Variants in ZNF556 observed in about 807,000 individuals in gnomAD.
ZNF556 encodes zinc finger protein 556.
In ZNF556, 11 loss-of-function variants were observed where a neutral mutation model predicts 13.6. That is an observed-to-expected ratio of 0.81 (90% CI 0.51 to 1.33). The LOEUF (loss-of-function observed/expected upper bound fraction) is 1.33. ZNF556 is among the 40% of genes most tolerant of loss of function. The pLI, the probability that ZNF556 is intolerant of heterozygous loss-of-function variation, is 0.00. For missense variants in ZNF556, 633 were observed against 566.2 expected (o/e 1.12, Z -1.20); for synonymous variants, 229 against 207.8 (o/e 1.10, Z -0.88).
Position 2,879,985 on chromosome 19 carries a change from G to C in ZNF556, c.*1656G>C, listed in dbSNP as rs573738662. The stretch of plus-strand genomic sequence containing the variant: ...GCGAAGCTTGCAGTGAGCTGGAATC[G>C]TGCCACTGTACTCCAGCCTGGGCGA... On this transcript the variant is annotated 3_prime_UTR_variant, in exon 4 of 4. Coordinates refer to ENST00000307635, the MANE Select transcript of ZNF556 (RefSeq NM_024967.3). 6.6e-6 allele frequency: 1 copy of C among 151,950 alleles called. No individual in the cohort carries two copies. 9.4% of individuals were successfully genotyped at this position (151,950 alleles called of 1,614,324 possible).
chr19:2,877,466 T>A lies in ZNF556; in HGVS notation c.508T>A (p.Ser170Thr). The stretch of plus-strand genomic sequence containing the variant: ...CCTGATAAGGCACAAAAGAGCTCAC[T>A]CTGGACAAAAATTATATAAATGTAA... The part of the protein sequence containing the change: ...SSLIRHKRAH[S>T]GQKLYKCKEC... Residue 170 changes from serine to threonine, a missense_variant, in exon 4 of 4, where the codon TCT becomes ACT. By Grantham distance (58) the Ser-to-Thr change is moderately conservative. Coordinates refer to ENST00000307635, the MANE Select transcript of ZNF556 (RefSeq NM_024967.3). 1.2e-6 allele frequency: 2 copies of A among 1,614,158 alleles called. No individual in the cohort carries two copies. Among genetic ancestry groups the A allele is most frequent in the Non-Finnish European group, 1.7e-6 (2 of 1,180,022 alleles).
intron 2 of ZNF556, among the ~76,000 whole-genome samples, chr19:2,874,627 C>T (rs540849333): frequency 6.6e-6 from 1 of 151,302 alleles, no homozygotes; most frequent in Non-Finnish European, 1.5e-5. Context: ...ACCTTTAGTC[C>T]CAGCTACTTG....
chr19:2,872,673 C>G (rs2087813749), intron 1 of ZNF556, among the ~76,000 whole-genome samples: 1 of 151,870 alleles, frequency 6.6e-6, no homozygotes, highest in Admixed American at 6.6e-5. Flanking sequence ...GCTTGCTGCC[C>G]ACAGGTGTGG....
chr19:2,872,540 A>T, intron 1 of ZNF556, among the ~76,000 whole-genome samples: 1 of 152,314 alleles, frequency 6.6e-6, no homozygotes, highest in East Asian at 1.9e-4. Flanking sequence ...CTACTAACTG[A>T]TGATTAATTA....
At position 2,881,631 on chromosome 19, in the gene ZNF556, AT is replaced by A. The variant is rs1241075169; in HGVS notation, c.*3303del. The A allele has an allele frequency of 6.6e-6, 1 of 152,104 alleles. No homozygotes were observed. The highest frequency in any genetic ancestry group is 1.5e-5 in the Non-Finnish European group (1 of 68,010). The allele number at this position is 152,104 out of a possible 1,614,324, so 9.4% of individuals were successfully genotyped here. ...ATATCAAGGCAGAATAAAGTATAGT[AT>A]CAAACTTGACAAGGTAGATAATAGG... is the stretch of plus-strand genomic sequence containing the variant. On this transcript the variant is annotated 3_prime_UTR_variant, in exon 4 of 4. Coordinates refer to ENST00000307635, the MANE Select transcript of ZNF556 (RefSeq NM_024967.3).
intron 1 of ZNF556, among the ~76,000 whole-genome samples, chr19:2,871,781 G>A (rs906486574): frequency 9.2e-5 from 14 of 152,166 alleles, no homozygotes; most frequent in South Asian, 4.1e-4. Flanking sequence ...AGCTGGGCCC[G>A]GGGGACCACA....
At chr19:2,874,468 G>C (rs1366404587) in intron 2 of ZNF556, among the ~76,000 whole-genome samples, 1 of 151,992 alleles carries the variant, frequency 6.6e-6, no homozygotes, top group Non-Finnish European at 1.5e-5. Context: ...GGATCAGCCA[G>C]GCGCGGTGGC....
chr19:2,869,656 C>T (rs553508227), intron 1 of ZNF556, among the ~76,000 whole-genome samples: 5 of 152,282 alleles, frequency 3.3e-5, no homozygotes, highest in African/African-American at 9.6e-5. Flanking sequence ...CGTGAGCCAC[C>T]GCGCCCGGCC....
In ZNF556 at chr19:2,877,605, A is replaced by G. The variant is rs371851606; in HGVS notation, c.647A>G (p.His216Arg). 3.3e-5 allele frequency: 53 copies of G among 1,614,006 alleles called. No homozygotes were observed. The highest frequency in any genetic ancestry group is 1.0e-4 in the Admixed American group (6 of 59,976). Residue 216 changes from histidine (H) to arginine (R), a missense_variant, in exon 4 of 4, where the codon CAC becomes CGC. His to Arg is a conservative substitution (Grantham distance 29). Transcript: ENST00000307635. ...QSCGKTFLRS[H>R]SLTEHVRTHT... ...TGCGGGAAGACATTTCTTCGTTCCC[A>G]CTCTCTCACTGAACATGTAAGGACT...
At chr19:2,867,533 A>G in intron 1 of ZNF556, 109 bp downstream of exon 1, 1 of 1,487,758 alleles carries the variant, frequency 6.7e-7, no homozygotes, top group Non-Finnish European at 9.2e-7. Flanking sequence ...ACCCCCATGC[A>G]GCCTCTGTCC....
rs1469183584 is a variant in ZNF556 at position 2,882,434 on chromosome 19, A to G, written c.*4105A>G. ...CTGAGTGGGACTCTGTCTCAAAAAA[A>G]AAAAGAGACAAAAGGTATATTTATG... On this transcript the variant is annotated 3_prime_UTR_variant, in exon 4 of 4. Transcript: ENST00000307635. 6.6e-6 allele frequency: 1 copy of G among 151,900 alleles called. No homozygotes were observed. The highest frequency in any genetic ancestry group is 1.5e-5 in the Non-Finnish European group (1 of 68,028). The allele number at this position is 151,900 out of a possible 1,614,324, so 9.4% of individuals were successfully genotyped here.
At position 2,878,588 on chromosome 19, in the gene ZNF556, A is replaced by T; in HGVS notation, c.*259A>T. On this transcript the variant is annotated 3_prime_UTR_variant, in exon 4 of 4. Coordinates refer to ENST00000307635, the MANE Select transcript of ZNF556 (RefSeq NM_024967.3). ...CTGCTCAGGAGGCTGAGGCAGGAGA[A>T]CGGCGTGAACCCGGGAGGCGGAGCT... 1 of 310,680 alleles carries T rather than the reference A, an allele frequency of 3.2e-6. No individual in the cohort carries two copies. Among genetic ancestry groups the T allele is most frequent in the Non-Finnish European group, 6.1e-6 (1 of 165,246 alleles). The allele number at this position is 310,680 out of a possible 1,614,324, so 19.2% of individuals were successfully genotyped here. A position where few individuals can be genotyped will look rare whatever the true frequency, so the allele number is the denominator to read the frequency against.
At position 2,879,335 on chromosome 19, in the gene ZNF556, G is replaced by A; in HGVS notation, c.*1006G>A. ...GCTTCTGGGTTGGAATTGGAAAATA[G>A]GTTTTTTTGGGTTTTTTTTCTTTTT... On this transcript the variant is annotated 3_prime_UTR_variant, in exon 4 of 4. Transcript: ENST00000307635. 1 of 151,952 alleles carries A rather than the reference G, an allele frequency of 6.6e-6. No homozygotes were observed. Among genetic ancestry groups the A allele is most frequent in the East Asian group, 1.9e-4 (1 of 5,186 alleles). The allele number at this position is 151,952 out of a possible 1,614,324, so 9.4% of individuals were successfully genotyped here.
intron 3 of ZNF556, 42 bp from the exon 4 acceptor site, chr19:2,877,231 T>C (rs2087859746): frequency 6.7e-7 from 1 of 1,483,590 alleles, no homozygotes; most frequent in Non-Finnish European, 9.1e-7. Flanking sequence ...AAAAAGAAAT[T>C]ATTAAGGCAT....
rs1034866861 is a variant in ZNF556 at position 2,877,189 on chromosome 19, A to C, written c.315-84A>C. On this transcript the variant is annotated intron_variant, in intron 3 of 3. Transcript: ENST00000307635. ...CATGCCACTGCACTCCAGCCTGGGG[A>C]ACAAGAGCAAAACTCCATCTCAAGG... The C allele has an allele frequency of 1.0e-5, 12 of 1,181,658 alleles. No individual in the cohort carries two copies. In the East Asian group the frequency reaches 2.8e-4, roughly 28 times the overall value. The allele number at this position is 1,181,658 out of a possible 1,614,324, so 73.2% of individuals were successfully genotyped here. A position where few individuals can be genotyped will look rare whatever the true frequency, so the allele number is the denominator to read the frequency against.
chr19:2,877,214 G>GAA (rs796457422), intron 3 of ZNF556, 59 bp from the exon 4 acceptor site: 130 of 1,080,932 alleles, frequency 1.2e-4, no homozygotes, highest in Non-Finnish European at 1.3e-4. Flanking sequence ...CCATCTCAAG[G>GAA]AAAAAAAAAA....
chr19:2,877,136 G>A (rs551886631), intron 3 of ZNF556, 137 bp from the exon 4 acceptor site: 2 of 646,316 alleles, frequency 3.1e-6, no homozygotes, highest in Non-Finnish European at 5.2e-6. Flanking sequence ...TTTGAACCTG[G>A]GAGGCAGAGG....
At chr19:2,873,750 T>G (rs556860224) in intron 2 of ZNF556, 128 bp downstream of exon 2, 64 of 1,138,686 alleles carry the variant, frequency 5.6e-5, no homozygotes, top group South Asian at 4.2e-4. Context: ...GGCTAGGAGT[T>G]GACAACCAGC....
rs548189640 is a variant in ZNF556, at chr19:2,878,383, C to T, written c.*54C>T. 6.5e-5 allele frequency: 102 copies of T among 1,569,288 alleles called. No homozygotes were observed. In the East Asian group the frequency reaches 2.2e-3, roughly 34 times the overall value. On this transcript the variant is annotated 3_prime_UTR_variant, in exon 4 of 4. Transcript: ENST00000307635. ...CATACATGGTTCAGAAAATTCACAG[C>T]AGGAGGGCCGGGCGCAGTGGCTCAC...
Sources: gnomAD v4.1 joint callset for allele counts (sites outside exome capture counted in the v4.1 genomes callset) on GRCh38, gnomAD v4.1.1 for gene constraint, MANE v1.5 for transcripts, NCBI Gene and HGNC (gene_info 2026-07-23, HGNC 2026-07-21) for gene names.